Variants in SYNE2 observed in about 807,000 individuals in gnomAD.
The protein encoded by SYNE2 is nesprin-2.
Under a neutral mutation model 856.3 loss-of-function variants are expected in SYNE2, and 431 were observed. The observed-to-expected ratio is 0.50, with a 90% CI of 0.47 to 0.55. The LOEUF is 0.55. Among genes scored for constraint, SYNE2 ranks in the 20% least tolerant of loss-of-function variants. The pLI is 0.00. For synonymous variants in SYNE2, 2,923 were observed against 2,872.3 expected, an observed-to-expected ratio of 1.02 and a Z score of -0.56; for missense variants, 8,129 against 8,023.2, an observed-to-expected ratio of 1.01 and a Z score of -0.50.
chr14:64,189,754 C>G (rs1309074148), intron 98 of SYNE2, among the ~76,000 whole-genome samples: 1 of 152,142 alleles, frequency 6.6e-6, no homozygotes, highest in Non-Finnish European at 1.5e-5. Context: ...TCACTGCAGC[C>G]TCAACCTTCT....
rs761324713 is a variant in SYNE2, at chr14:64,190,058, G to T, written c.17872-13G>T. 1.2e-5 allele frequency: 20 copies of T among 1,613,078 alleles called. No homozygotes were observed. Among genetic ancestry groups the T allele is most frequent in the Middle Eastern group, 1.6e-4 (1 of 6,076 alleles). ...CTAATTAGCCAGGCTTTATGTTTTG[G>T]TGCCTTTGCCAGGACTGCATGGAAG... On this transcript the variant is annotated splice_polypyrimidine_tract_variant and intron_variant, in intron 98 of 115. Coordinates refer to ENST00000555002, the MANE Select transcript of SYNE2 (RefSeq NM_182914.3).
intron 1 of SYNE2, among the ~76,000 whole-genome samples, chr14:63,789,293 G>A (rs950412283): frequency 6.6e-6 from 1 of 151,900 alleles, no homozygotes; most frequent in Non-Finnish European, 1.5e-5. Context: ...TCACTATCCT[G>A]GTGCTTATCC....
At chr14:63,872,131 T>C (rs1896990226) in intron 1 of SYNE2, among the ~76,000 whole-genome samples, 1 of 152,120 alleles carries the variant, frequency 6.6e-6, no homozygotes, top group African/African-American at 2.4e-5. Flanking sequence ...CCCTGGGAGA[T>C]ACTTTAAGAT....
In SYNE2 at chr14:64,197,033, T is replaced by TG. The variant is rs2098543531; in HGVS notation, c.18039-5765dup. The TG allele has an allele frequency of 2.0e-5, 3 of 152,514 alleles. No individual in the cohort carries two copies. In the South Asian group the frequency reaches 6.2e-4, roughly 32 times the overall value. 9.4% of individuals were successfully genotyped at this position (152,514 alleles called of 1,614,324 possible). On this transcript the variant is annotated intron_variant, in intron 99 of 115. Coordinates refer to ENST00000555002, the MANE Select transcript of SYNE2 (RefSeq NM_182914.3). The stretch of plus-strand genomic sequence containing the variant: ...GCAGGGGGAGGGGCTGCCTCGGCCC[T>TG]GGGAGGTGGAGGTGCAGCCGGGAAC...
rs1057422895 is a variant in SYNE2 at position 63,840,270 on chromosome 14, C to CA, written c.-304-12221dup. Among the ~76,000 whole-genome samples, 11 of 146,544 alleles carry CA rather than the reference C, an allele frequency of 7.5e-5. No individual in the cohort carries two copies. In the South Asian group the frequency reaches 1.1e-3, roughly 14 times the overall value. ...TGGGGGACAGAGCAAGACCCTGTCT[C>CA]AAAAAAAAAAGTAGGCTTTTGTCTT... On this transcript the variant is annotated intron_variant, in intron 1 of 23. Coordinates refer to the SYNE2 transcript ENST00000674003.
chr14:64,185,352 T>G (rs2098483242), intron 96 of SYNE2, among the ~76,000 whole-genome samples: 1 of 152,126 alleles, frequency 6.6e-6, no homozygotes, highest in East Asian at 1.9e-4. Flanking sequence ...ATGTGCCAAG[T>G]CATGAAGAAT....
intron 1 of SYNE2, among the ~76,000 whole-genome samples, chr14:63,773,980 G>C (rs1374076605): frequency 6.6e-6 from 1 of 152,114 alleles, no homozygotes; most frequent in Admixed American, 6.6e-5. Context: ...CATTTGTAAG[G>C]CATTTCATGG....
chr14:64,113,193 G>A, intron 65 of SYNE2, 148 bp from the exon 66 acceptor site: 1 of 1,504,278 alleles, frequency 6.6e-7, no homozygotes. Context: ...GTTGCTATGA[G>A]TGTGGAGGTG....
At chr14:63,762,845 C>T (rs1190512959) in intron 1 of SYNE2, among the ~76,000 whole-genome samples, 2 of 152,064 alleles carry the variant, frequency 1.3e-5, no homozygotes, top group Admixed American at 6.6e-5. Flanking sequence ...AAAAAAAATG[C>T]AAATTTGTAG....
chr14:64,179,935 C>T (rs1273335383), intron 96 of SYNE2, among the ~76,000 whole-genome samples: 2 of 152,168 alleles, frequency 1.3e-5, no homozygotes, highest in Non-Finnish European at 2.9e-5. Flanking sequence ...TTTCCGCTTC[C>T]TTTGCAAAAT....
In SYNE2 at chr14:63,830,005, A is replaced by C. The variant is rs1442422185; in HGVS notation, c.-304-22496A>C. Among the ~76,000 whole-genome samples the C allele has an allele frequency of 2.0e-5, 3 of 152,220 alleles. 1 individual carries two copies. The highest frequency in any genetic ancestry group is 4.4e-5 in the Non-Finnish European group (3 of 68,050). On this transcript the variant is annotated intron_variant, in intron 1 of 23. Transcript: ENST00000674003. Reference sequence around the variant, plus strand: ...CTGGAATGTTATTTGAAATATAATAAGTGGCATATATTCTATACGGGATAT... The same window carrying C: ...CTGGAATGTTATTTGAAATATAATACGTGGCATATATTCTATACGGGATAT...
Position 64,051,838 on chromosome 14 carries a change from T to C in SYNE2, c.7925T>C (p.Leu2642Pro). Residue 2642 changes from leucine to proline, a missense_variant, in exon 48 of 116, where the codon CTG becomes CCG. Coordinates refer to ENST00000555002, the MANE Select transcript of SYNE2 (RefSeq NM_182914.3). ...MNKVQDTEIS[L>P]QQQQQHLQLR... ...AAGGTACAGGACACTGAGATTTCTC[T>C]GCAACAGCAGCAGCAACATCTACAG... 2 of 1,614,104 alleles carry C rather than the reference T, an allele frequency of 1.2e-6. No individual in the cohort carries two copies. Among genetic ancestry groups the C allele is most frequent in the Non-Finnish European group, 1.7e-6 (2 of 1,180,032 alleles).
At chr14:63,902,019 C>G (rs973762196) in intron 1 of SYNE2, among the ~76,000 whole-genome samples, 2 of 152,182 alleles carry the variant, frequency 1.3e-5, no homozygotes, top group Admixed American at 1.3e-4. Flanking sequence ...TAAAAACAAT[C>G]CCACATTATT....
chr14:64,221,331 C>G (rs1001485394), intron 111 of SYNE2, among the ~76,000 whole-genome samples: 9 of 152,220 alleles, frequency 5.9e-5, no homozygotes, highest in Admixed American at 5.9e-4. Flanking sequence ...CTGGGCATCC[C>G]AAAGCCCTAC....
intron 78 of SYNE2, among the ~76,000 whole-genome samples, chr14:64,137,077 CA>C (rs2153687296): frequency 6.6e-6 from 1 of 152,332 alleles, no homozygotes; most frequent in East Asian, 1.9e-4. Context: ...CCTGATTTTT[CA>C]AACTGATCTT....
chr14:63,766,672 T>G (rs140146706), intron 1 of SYNE2, among the ~76,000 whole-genome samples: 1 of 152,212 alleles, frequency 6.6e-6, no homozygotes, highest in African/African-American at 2.4e-5. Context: ...AAGGAAATTC[T>G]GGGACAACGT....
chr14:63,769,024 C>T (rs1886794192), intron 1 of SYNE2, among the ~76,000 whole-genome samples: 2 of 152,096 alleles, frequency 1.3e-5, no homozygotes, highest in South Asian at 2.1e-4. Flanking sequence ...CCTTTAAGCC[C>T]AGCACTTTGG....
At position 63,836,661 on chromosome 14, in the gene SYNE2, C is replaced by T. The variant is rs114936704; in HGVS notation, c.-304-15840C>T. Among the ~76,000 whole-genome samples, 1,251 of 152,320 alleles carry T rather than the reference C, an allele frequency of 8.2e-3. 14 individuals carry two copies. The highest frequency in any genetic ancestry group is 0.028 in the African/African-American group (1,181 of 41,572). On this transcript the variant is annotated intron_variant, in intron 1 of 23. Transcript: ENST00000674003. Reference sequence around the variant, plus strand: ...TCATTTACCGTTCCCACTACCACCACCTTGGTCCAAGACACCATCATCTCT... The same window carrying T: ...TCATTTACCGTTCCCACTACCACCATCTTGGTCCAAGACACCATCATCTCT...
intron 1 of SYNE2, among the ~76,000 whole-genome samples, chr14:63,860,401 C>A (rs1893216618): frequency 6.6e-6 from 1 of 152,270 alleles, no homozygotes; most frequent in Non-Finnish European, 1.5e-5. Context: ...ATTTTCCAGA[C>A]CCTGAGAAAC....
Sources: allele counts gnomAD v4.1 joint callset (sites outside exome capture counted in the v4.1 genomes callset), GRCh38; gene constraint gnomAD v4.1.1; transcripts MANE v1.5; gene names NCBI Gene and HGNC (gene_info 2026-07-23, HGNC 2026-07-21).